The following CNTNAP3B variants were observed in gnomAD, a reference collection of about 807,000 sequenced individuals.
CNTNAP3B encodes the protein contactin-associated protein-like 3B.
CNTNAP3B carries 25 observed loss-of-function variants against 108.9 expected under a neutral mutation model. That is an observed-to-expected ratio of 0.23 (90% CI 0.17 to 0.32). The LOEUF (loss-of-function observed/expected upper bound fraction) is 0.32. CNTNAP3B is among the 10% of genes least tolerant of loss of function. The pLI is 1.00. For synonymous variants in CNTNAP3B, 103 were observed against 473.4 expected, an observed-to-expected ratio of 0.22 and a Z score of 10.16; for missense variants, 252 against 1,210.4, an observed-to-expected ratio of 0.21 and a Z score of 11.75.
At chr9:41,960,206 G>A (rs1378305009) in intron 12 of CNTNAP3B, 43 of 162,292 alleles carry the variant, frequency 2.6e-4, no homozygotes, top group African/African-American at 1.0e-3. Context: ...CACCACGTTG[G>A]CCAGGATGGT....
rs1319416111 is a variant in CNTNAP3B at position 42,062,994 on chromosome 9, C to T, written c.390+13875G>A. Among the ~76,000 whole-genome samples the T allele has an allele frequency of 1.2e-4, 12 of 99,244 alleles. 5 individuals carry two copies. In the South Asian group the frequency reaches 1.8e-3, roughly 15 times the overall value. The allele number at this position is 99,244 out of a possible 152,430, so 65.1% of individuals were successfully genotyped here. On this transcript the variant is annotated intron_variant, in intron 3 of 23. Coordinates refer to ENST00000377561, the MANE Select transcript of CNTNAP3B (RefSeq NM_001201380.3). The stretch of plus-strand genomic sequence containing the variant: ...TTGTGTAACCCTTAATGAATTATTG[C>T]AGCTTTAACTATTTTTAATAGTTTG...
At chr9:41,936,993 A>G (rs1328300852) in intron 14 of CNTNAP3B, among the ~76,000 whole-genome samples, 660 of 152,258 alleles carry the variant, frequency 4.3e-3, no homozygotes, top group Non-Finnish European at 7.4e-3. Context: ...AAATAAGTGG[A>G]CTACCATGCA....
At chr9:41,946,074 A>G (rs1369622972) in intron 13 of CNTNAP3B, among the ~76,000 whole-genome samples, 2 of 150,568 alleles carry the variant, frequency 1.3e-5, no homozygotes, top group Non-Finnish European at 1.5e-5. Context: ...GCAACAGAAG[A>G]GTCAAAATAT....
At chr9:41,924,590 G>T (rs1329181428) in intron 15 of CNTNAP3B, among the ~76,000 whole-genome samples, 12 of 151,334 alleles carry the variant, frequency 7.9e-5, no homozygotes, top group Admixed American at 5.9e-4. Context: ...ATTTGAAGGA[G>T]GTAGTTGGAA....
intron 10 of CNTNAP3B, among the ~76,000 whole-genome samples, chr9:41,969,484 G>T (rs1484678985): frequency 1.4e-5 from 2 of 146,130 alleles, no homozygotes; most frequent in Non-Finnish European, 3.0e-5. Flanking sequence ...ACTGATGGGT[G>T]TGTGGTTGCA....
At chr9:42,096,749 C>T (rs1827909706) in intron 2 of CNTNAP3B, among the ~76,000 whole-genome samples, 2 of 112,368 alleles carry the variant, frequency 1.8e-5, no homozygotes, top group African/African-American at 3.6e-5. Context: ...CAGAATGATT[C>T]ATCCCTACAT....
At chr9:42,035,648 A>C (rs1292966817) in intron 3 of CNTNAP3B, among the ~76,000 whole-genome samples, 12 of 150,322 alleles carry the variant, frequency 8.0e-5, no homozygotes, top group Non-Finnish European at 1.6e-4. Context: ...CATTATTTTT[A>C]ATTACTTACA....
chr9:41,943,431 C>T (rs546680883), intron 13 of CNTNAP3B, among the ~76,000 whole-genome samples: 29,146 of 143,616 alleles, frequency 0.2, 1 homozygote, highest in South Asian at 0.27. Context: ...CGGCTCACTG[C>T]AAGCTCCGCC....
At chr9:41,934,098 T>TGC (rs1824065817) in intron 14 of CNTNAP3B, among the ~76,000 whole-genome samples, 1 of 133,870 alleles carries the variant, frequency 7.5e-6, no homozygotes, top group Non-Finnish European at 1.6e-5. Context: ...GCATATTTGT[T>TGC]ACATATATAT....
intron 13 of CNTNAP3B, among the ~76,000 whole-genome samples, chr9:41,941,898 T>C (rs909700093): frequency 6.6e-6 from 1 of 152,148 alleles, no homozygotes; most frequent in Admixed American, 6.5e-5. Flanking sequence ...GTTCTCAGAA[T>C]AAAGATAGGA....
chr9:42,061,317 CTTT>C (rs57755649), intron 3 of CNTNAP3B, among the ~76,000 whole-genome samples: 14,420 of 84,890 alleles, frequency 0.17, 68 homozygotes, highest in East Asian at 0.27. Flanking sequence ...TTTTCTTTTT[CTTT>C]TTTTTTTTTT....
At chr9:42,120,167 A>G (rs1002843692) in intron 1 of CNTNAP3B, among the ~76,000 whole-genome samples, 4 of 147,804 alleles carry the variant, frequency 2.7e-5, no homozygotes, top group South Asian at 4.3e-4. Context: ...TGAGCAAAGG[A>G]TATGAACAGA....
intron 2 of CNTNAP3B, among the ~76,000 whole-genome samples, chr9:42,080,602 C>T (rs1291875492): frequency 7.6e-6 from 1 of 131,888 alleles, no homozygotes; most frequent in African/African-American, 3.1e-5. Flanking sequence ...TTGGCTGACT[C>T]CACCCCCAAC....
intron 11 of CNTNAP3B, among the ~76,000 whole-genome samples, chr9:41,961,484 A>G (rs1825089923): frequency 6.6e-6 from 1 of 152,308 alleles, no homozygotes; most frequent in Admixed American, 6.5e-5. Context: ...AGAAACCCTC[A>G]TTCTCCCTGT....
intron 12 of CNTNAP3B, among the ~76,000 whole-genome samples, chr9:41,958,712 A>G (rs1824957187): frequency 6.6e-6 from 1 of 152,052 alleles, no homozygotes; most frequent in African/African-American, 2.4e-5. Flanking sequence ...ACAAAAAACA[A>G]AACAAAACAA....
intron 6 of CNTNAP3B, among the ~76,000 whole-genome samples, 164 bp downstream of exon 6, chr9:41,997,404 A>G (rs1360011679): frequency 2.0e-5 from 3 of 152,180 alleles, no homozygotes; most frequent in Admixed American, 6.5e-5. Context: ...ATCTATTATA[A>G]TAAACTGACC....
chr9:41,894,416 C>T (rs67270955), intron 23 of CNTNAP3B, among the ~76,000 whole-genome samples: 1 of 54,208 alleles, frequency 1.8e-5, no homozygotes, highest in Non-Finnish European at 3.2e-5. Context: ...GTGTGAGTTA[C>T]CGTGCCTGGC....
intron 13 of CNTNAP3B, among the ~76,000 whole-genome samples, chr9:41,942,267 A>G (rs1287794777): frequency 6.6e-6 from 1 of 152,264 alleles, no homozygotes; most frequent in Non-Finnish European, 1.5e-5. Flanking sequence ...TGAGGTCAGG[A>G]GATCGAGACC....
At chr9:41,934,128 C>CATATATATATATAT (rs1393370310) in intron 14 of CNTNAP3B, among the ~76,000 whole-genome samples, 71 of 19,376 alleles carry the variant, frequency 3.7e-3, no homozygotes, top group African/African-American at 0.016. Context: ...TATATACACA[C>CATATATATATATAT]ACATATATAT....
Sources: gnomAD v4.1 joint callset for allele counts (sites outside exome capture counted in the v4.1 genomes callset) on GRCh38, gnomAD v4.1.1 for gene constraint, MANE v1.5 for transcripts, NCBI Gene and HGNC (gene_info 2026-07-23, HGNC 2026-07-21) for gene names.